The following SGSM1 variants were observed in gnomAD, a reference collection of about 807,000 sequenced individuals.
The protein encoded by SGSM1 is RUN and TBC1 domain containing 2.
Under a neutral mutation model 133.8 loss-of-function variants are expected in SGSM1, and 73 were observed. That is an observed-to-expected ratio of 0.55 (90% CI 0.45 to 0.66). The LOEUF (loss-of-function observed/expected upper bound fraction) is 0.66, where lower values mean the gene tolerates loss of function less well. Among genes scored for constraint, SGSM1 ranks in the 30% least tolerant of loss-of-function variants. The pLI, the probability that SGSM1 is intolerant of heterozygous loss-of-function variation, is 0.00. For synonymous variants in SGSM1, 563 were observed against 573.0 expected (o/e 0.98, Z 0.25); for missense variants, 1,213 against 1,448.1 (o/e 0.84, Z 2.64).
chr22:24,845,946 T>TTTCC (rs1279312321), intron 3 of SGSM1, among the ~76,000 whole-genome samples: 2 of 39,392 alleles, frequency 5.1e-5, no homozygotes, highest in African/African-American at 2.3e-4. Context: ...TTTTCTTTTC[T>TTTCC]TTCTTTCTTT....
In SGSM1 at chr22:24,896,798, G is replaced by A. The variant is rs190559105; in HGVS notation, c.2023-1174G>A. Reference sequence around the variant, plus strand: ...TCAAGACCAGCCTGGCCAGCATGGTGAAACCCTGACTCTACTAAAAATACA... The same window carrying A: ...TCAAGACCAGCCTGGCCAGCATGGTAAAACCCTGACTCTACTAAAAATACA... On this transcript the variant is annotated intron_variant, in intron 18 of 24. Transcript: ENST00000400358. Among the ~76,000 whole-genome samples, 396 of 151,776 alleles carry A rather than the reference G, an allele frequency of 2.6e-3. 4 individuals carry two copies. Among genetic ancestry groups the A allele is most frequent in the Middle Eastern group, 0.024 (7 of 292 alleles).
chr22:24,923,709 G>A (rs973100892), intron 24 of SGSM1, among the ~76,000 whole-genome samples: 3 of 152,032 alleles, frequency 2.0e-5, no homozygotes, highest in Non-Finnish European at 2.9e-5. Flanking sequence ...CACAAGCTCC[G>A]CCTCCTGGGT....
rs1024013431 is a variant in SGSM1, at chr22:24,924,512, C to T, written c.*238C>T. 3 of 522,524 alleles carry T rather than the reference C, an allele frequency of 5.7e-6. No homozygotes were observed. The highest frequency in any genetic ancestry group is 2.5e-5 in the South Asian group (1 of 40,000). The allele number at this position is 522,524 out of a possible 1,614,324, so 32.4% of individuals were successfully genotyped here. A position where few individuals can be genotyped will look rare whatever the true frequency, so the allele number is the denominator to read the frequency against. On this transcript the variant is annotated 3_prime_UTR_variant, in exon 25 of 25. Transcript: ENST00000400358. ...TTGACCAAAGATTGCCCAAGTCTGG[C>T]GTTCCTCCCTTGCAGGAGGTGGAGG...
chr22:24,888,820 T>C (rs1932750015), intron 16 of SGSM1, among the ~76,000 whole-genome samples: 1 of 152,014 alleles, frequency 6.6e-6, no homozygotes, highest in African/African-American at 2.4e-5. Flanking sequence ...GGGAACATAC[T>C]TGTAGGTCTG....
At chr22:24,849,001 G>A (rs531348530) in intron 4 of SGSM1, among the ~76,000 whole-genome samples, 3 of 152,346 alleles carry the variant, frequency 2.0e-5, no homozygotes, top group Admixed American at 1.3e-4. Context: ...GGTGTTTGCA[G>A]ATAACTTCTT....
intron 2 of SGSM1, among the ~76,000 whole-genome samples, chr22:24,814,776 G>A (rs934327268): frequency 6.6e-6 from 1 of 152,230 alleles, no homozygotes; most frequent in African/African-American, 2.4e-5. Context: ...ACCTGGAGGT[G>A]CTACAGCCCC....
At chr22:24,884,695 C>G (rs1392059641) in intron 15 of SGSM1, among the ~76,000 whole-genome samples, 2 of 152,196 alleles carry the variant, frequency 1.3e-5, no homozygotes, top group Non-Finnish European at 2.9e-5. Flanking sequence ...GGGGAAGAGG[C>G]CCCAGGGCCC....
In SGSM1 at chr22:24,806,470, A is replaced by T. The variant is rs1017378685; in HGVS notation, c.49A>T (p.Thr17Ser). Residue 17 changes from threonine (T) to serine (S), a missense_variant, in exon 2 of 25, where the codon ACC (threonine) becomes TCC (serine). Thr to Ser is a moderately conservative substitution (Grantham distance 58). Coordinates refer to ENST00000400358, the MANE Select transcript of SGSM1 (RefSeq NM_001098497.3). Reference protein sequence around the residue: ...EAETRQRLLRTVKKEVKQIME... With the variant: ...EAETRQRLLRSVKKEVKQIME... The stretch of plus-strand genomic sequence containing the variant: ...GGAGACCCGACAGAGGCTGCTACGC[A>T]CCGTCAAGAAGGAGGTGGGTGCCGG... 3 of 1,518,262 alleles carry T rather than the reference A, an allele frequency of 2.0e-6. No individual in the cohort carries two copies. The highest frequency in any genetic ancestry group is 2.6e-6 in the Non-Finnish European group (3 of 1,133,546). The allele number at this position is 1,518,262 out of a possible 1,614,324, so 94.0% of individuals were successfully genotyped here. A position where few individuals can be genotyped will look rare whatever the true frequency, so the allele number is the denominator to read the frequency against.
At chr22:24,864,045 C>T (rs763948443) in intron 9 of SGSM1, among the ~76,000 whole-genome samples, 2 of 152,128 alleles carry the variant, frequency 1.3e-5, no homozygotes, top group Non-Finnish European at 2.9e-5. Flanking sequence ...CTGGCCAGAG[C>T]TCTTTTTTCT....
In SGSM1 at chr22:24,917,646, C is replaced by A; in HGVS notation, c.2929-12C>A. The A allele has an allele frequency of 6.2e-7, 1 of 1,609,842 alleles. No homozygotes were observed. Among genetic ancestry groups the A allele is most frequent in the South Asian group, 1.1e-5 (1 of 90,450 alleles). ...TCCCAGGAGGCTGATGCTGCCTTTC[C>A]TTCCTTGACAGATCCTGGACTCAGA... On this transcript the variant is annotated splice_polypyrimidine_tract_variant and intron_variant, in intron 22 of 24. Transcript: ENST00000400358.
At position 24,893,581 on chromosome 22, in the gene SGSM1, A is replaced by C; in HGVS notation, c.1921A>C (p.Met641Leu). The change falls in exon 17 of 25, where the codon ATG becomes CTG. Residue 641 changes from methionine (M) to leucine (L), a missense_variant. Physicochemically the swap from Met to Leu is conservative, Grantham distance 15. Coordinates refer to ENST00000400358, the MANE Select transcript of SGSM1 (RefSeq NM_001098497.3). ...GASLDSHLHRMLHRDSTISNE... is the reference protein window; with the variant it reads ...GASLDSHLHRLLHRDSTISNE... ...CAGCTTGGACAGCCACCTGCACCGG[A>C]TGTTGCACAGGGACTCAACCATCAG... is the stretch of plus-strand genomic sequence containing the variant. 6.3e-7 allele frequency: 1 copy of C among 1,589,642 alleles called. No homozygotes were observed. Among genetic ancestry groups the C allele is most frequent in the African/African-American group, 1.3e-5 (1 of 74,632 alleles).
chr22:24,863,237 A>G (rs1362967893), intron 9 of SGSM1, among the ~76,000 whole-genome samples: 1 of 151,954 alleles, frequency 6.6e-6, no homozygotes, highest in Non-Finnish European at 1.5e-5. Context: ...GCTCACTGCA[A>G]CCTCCGCCTC....
At chr22:24,831,823 A>G (rs1029441876) in intron 2 of SGSM1, among the ~76,000 whole-genome samples, 17 of 152,138 alleles carry the variant, frequency 1.1e-4, no homozygotes, top group Non-Finnish European at 4.4e-5. Flanking sequence ...AAAGTCCCCA[A>G]CGCCCCAACC....
intron 2 of SGSM1, among the ~76,000 whole-genome samples, chr22:24,819,430 A>C (rs1389771809): frequency 6.6e-6 from 1 of 152,270 alleles, no homozygotes; most frequent in Non-Finnish European, 1.5e-5. Flanking sequence ...ACAGTATGCT[A>C]TGCACTTTAT....
intron 16 of SGSM1, among the ~76,000 whole-genome samples, chr22:24,889,973 T>C (rs1434711871): frequency 2.2e-5 from 3 of 134,942 alleles, no homozygotes; most frequent in Non-Finnish European, 4.7e-5. Flanking sequence ...TTTTTTTTTT[T>C]TGAGACGGAG....
At chr22:24,819,201 G>T (rs991193886) in intron 2 of SGSM1, among the ~76,000 whole-genome samples, 1 of 151,328 alleles carries the variant, frequency 6.6e-6, no homozygotes, top group Non-Finnish European at 1.5e-5. Flanking sequence ...AGTATTTATT[G>T]GGCACCTACT....
intron 2 of SGSM1, among the ~76,000 whole-genome samples, chr22:24,807,983 C>T (rs1357564503): frequency 1.3e-5 from 2 of 152,048 alleles, no homozygotes; most frequent in African/African-American, 4.8e-5. Context: ...CTAGCATTTT[C>T]GAATGAGACA....
chr22:24,898,140 A>G lies in SGSM1; in HGVS notation c.2191A>G (p.Ser731Gly). ...SSGLSEHSEP[S>G]LSTEDSVLDA... ...GGGCCTCTCAGAGCACTCAGAGCCC[A>G]GTCTGAGCACAGAAGACAGTGTCTT... is the stretch of plus-strand genomic sequence containing the variant. The change falls in exon 19 of 25, where the codon AGT (serine) becomes GGT (glycine). Residue 731 changes from serine to glycine, a missense_variant. Transcript: ENST00000400358. 1 of 1,614,004 alleles carries G rather than the reference A, an allele frequency of 6.2e-7. No individual in the cohort carries two copies. The highest frequency in any genetic ancestry group is 1.1e-5 in the South Asian group (1 of 91,072).
chr22:24,914,672 C>A (rs1042521335), intron 22 of SGSM1, among the ~76,000 whole-genome samples: 1 of 152,092 alleles, frequency 6.6e-6, no homozygotes, highest in East Asian at 1.9e-4. Context: ...TTTCTTTACT[C>A]CCCACTTTAC....
Sources: allele counts gnomAD v4.1 joint callset (sites outside exome capture counted in the v4.1 genomes callset), GRCh38; gene constraint gnomAD v4.1.1; transcripts MANE v1.5; gene names NCBI Gene and HGNC (gene_info 2026-07-23, HGNC 2026-07-21).